The following USP24 variants were observed in gnomAD, a reference collection of about 807,000 sequenced individuals.
USP24 encodes ubiquitin specific peptidase 24.
Under a neutral mutation model 361.6 loss-of-function variants are expected in USP24, and 97 were observed. That is an observed-to-expected ratio of 0.27 (90% CI 0.23 to 0.32). The LOEUF (loss-of-function observed/expected upper bound fraction) is 0.32. USP24 is among the 10% of genes least tolerant of loss of function. USP24 has a pLI of 1.00. For missense variants in USP24, 2,353 were observed against 3,165.6 expected (o/e 0.74, Z 6.16); for synonymous variants, 1,098 against 1,124.6 (o/e 0.98, Z 0.47).
At chr1:55,190,838 G>A (rs1644266986) in intron 1 of USP24, among the ~76,000 whole-genome samples, 1 of 152,124 alleles carries the variant, frequency 6.6e-6, no homozygotes, top group Non-Finnish European at 1.5e-5. Flanking sequence ...AGTTGAAGAA[G>A]TTTAAAGGAA....
Position 55,146,581 on chromosome 1 carries a change from T to C in USP24, c.2250+348A>G, listed in dbSNP as rs556791017. On this transcript the variant is annotated intron_variant, in intron 19 of 67. Transcript: ENST00000294383. Reference sequence around the variant, plus strand: ...TGGCCAGGTACTAATTCTTCTTTACTGTTTTTGGGGTGCAACATCATTATA... The same window carrying C: ...TGGCCAGGTACTAATTCTTCTTTACCGTTTTTGGGGTGCAACATCATTATA... 5.9e-5 allele frequency among the ~76,000 whole-genome samples: 9 copies of C among 152,328 alleles called. No individual in the cohort carries two copies. In the South Asian group the frequency reaches 1.9e-3, roughly 32 times the overall value.
chr1:55,081,855 G>T (rs1645155436), intron 58 of USP24, among the ~76,000 whole-genome samples: 1 of 152,198 alleles, frequency 6.6e-6, no homozygotes. Context: ...AGGACTAAAT[G>T]AAATATTAAA....
At chr1:55,098,688 A>G in intron 45 of USP24, 130 bp from the exon 46 acceptor site, 1 of 691,882 alleles carries the variant, frequency 1.4e-6, no homozygotes. Context: ...GCTGTGGTGA[A>G]TGGAGGCTAA....
chr1:55,099,629 C>T, intron 45 of USP24, 142 bp downstream of exon 45: 3 of 657,072 alleles, frequency 4.6e-6, no homozygotes, highest in South Asian at 3.5e-5. Flanking sequence ...GATGTTTAAA[C>T]ACAGAATACA....
intron 2 of USP24, among the ~76,000 whole-genome samples, chr1:55,177,676 CT>C (rs2100823420): frequency 6.6e-6 from 1 of 152,038 alleles, no homozygotes; most frequent in South Asian, 2.1e-4. Flanking sequence ...AAAAAAAAAG[CT>C]GTTGAATTGA....
chr1:55,071,878 GATT>G lies in USP24; in HGVS notation c.7733_7735del (p.Gln2578_Ser2579delinsPro), dbSNP rs1175800224. ...ACTCTCCGACCCATTACTGCTTCCT[GATT>G]GCTCTTTTTCATTCAACAAAGCTGT... On this transcript the variant is annotated inframe_deletion, in exon 67 of 68. Transcript: ENST00000294383. 23 of 1,613,264 alleles carry G rather than the reference GATT, an allele frequency of 1.4e-5. No homozygotes were observed. The highest frequency in any genetic ancestry group is 1.9e-5 in the Non-Finnish European group (23 of 1,179,684).
In USP24 at chr1:55,136,359, C is replaced by T. The variant is rs74399233; in HGVS notation, c.3201+1156G>A. Among the ~76,000 whole-genome samples the T allele has an allele frequency of 5.8e-3, 887 of 152,178 alleles. 8 individuals are homozygous for T. The highest frequency in any genetic ancestry group is 0.017 in the Middle Eastern group (5 of 294). ...AACCTTGGAGAGGCTCCGGGGGACA[C>T]ATTAGGAAGGCCCTGAAGGTCCCAG... On this transcript the variant is annotated intron_variant, in intron 28 of 67. Coordinates refer to ENST00000294383, the MANE Select transcript of USP24 (RefSeq NM_015306.3).
chr1:55,125,470 G>T lies in USP24; in HGVS notation c.3810C>A (p.Ser1270=). 2 of 1,613,896 alleles carry T rather than the reference G, an allele frequency of 1.2e-6. No homozygotes were observed. Among genetic ancestry groups the T allele is most frequent in the Non-Finnish European group, 1.7e-6 (2 of 1,179,866 alleles). Residue 1270 remains serine (S), a synonymous_variant, in exon 34 of 68, where the codon TCC becomes TCA. Coordinates refer to ENST00000294383, the MANE Select transcript of USP24 (RefSeq NM_015306.3). ...LTKDGIEALS[S]RPFRNVSRQT... ...GCCGGCTGACATTTCGGAATGGGCG[G>T]GAAGAAAGTGCTTCTATACCATCTT...
chr1:55,173,119 A>G (rs1437151305), intron 3 of USP24, among the ~76,000 whole-genome samples: 1 of 152,160 alleles, frequency 6.6e-6, no homozygotes, highest in Admixed American at 6.5e-5. Flanking sequence ...ATATTTTTTA[A>G]CATCTCAGAA....
intron 65 of USP24, among the ~76,000 whole-genome samples, 158 bp from the exon 66 acceptor site, chr1:55,072,561 G>A (rs1289926262): frequency 1.3e-5 from 2 of 152,218 alleles, no homozygotes; most frequent in Non-Finnish European, 2.9e-5. Flanking sequence ...CCTCAGTCAA[G>A]TATTGCTTCT....
intron 3 of USP24, among the ~76,000 whole-genome samples, chr1:55,174,262 G>A (rs1649734395): frequency 6.6e-6 from 1 of 152,118 alleles, no homozygotes; most frequent in Non-Finnish European, 1.5e-5. Flanking sequence ...GAGAGGGATG[G>A]TCATCGAACC....
intron 16 of USP24, among the ~76,000 whole-genome samples, chr1:55,150,887 A>G (rs1013090542): frequency 2.0e-5 from 3 of 152,328 alleles, no homozygotes; most frequent in African/African-American, 4.8e-5. Context: ...TGGAGATTTC[A>G]TAAGTAGGAC....
intron 50 of USP24, 142 bp from the exon 51 acceptor site, chr1:55,095,538 G>T: frequency 1.1e-6 from 1 of 921,594 alleles, no homozygotes; most frequent in Non-Finnish European, 1.6e-6. Context: ...TAAAATGTGA[G>T]TGTCTTTAGA....
chr1:55,110,527 T>G (rs1645918786), intron 38 of USP24, among the ~76,000 whole-genome samples: 1 of 152,190 alleles, frequency 6.6e-6, no homozygotes, highest in Admixed American at 6.5e-5. Context: ...ACTCATTACA[T>G]TCATTCATTC....
At chr1:55,178,722 A>G (rs894092416) in intron 1 of USP24, among the ~76,000 whole-genome samples, 1 of 92,662 alleles carries the variant, frequency 1.1e-5, no homozygotes, top group African/African-American at 5.2e-5. Context: ...TAAATAAATA[A>G]ATAAATAAAA....
chr1:55,088,136 G>A (rs1393178346), intron 55 of USP24, among the ~76,000 whole-genome samples: 1 of 152,206 alleles, frequency 6.6e-6, no homozygotes, highest in Non-Finnish European at 1.5e-5. Flanking sequence ...GAGGTAATGT[G>A]ATCTAATTTG....
intron 55 of USP24, among the ~76,000 whole-genome samples, chr1:55,089,236 A>G (rs1645321438): frequency 6.6e-6 from 1 of 152,176 alleles, no homozygotes; most frequent in Non-Finnish European, 1.5e-5. Flanking sequence ...ATAATTTTTT[A>G]GTCAGAATCC....
chr1:55,154,886 T>C (rs774008331), intron 12 of USP24, 108 bp from the exon 13 acceptor site: 3 of 740,722 alleles, frequency 4.1e-6, no homozygotes, highest in South Asian at 1.9e-5. Flanking sequence ...CAAAGACAAA[T>C]TGACTCTAGT....
At chr1:55,119,567 T>C (rs1646219592) in intron 38 of USP24, among the ~76,000 whole-genome samples, 1 of 152,112 alleles carries the variant, frequency 6.6e-6, no homozygotes, top group Non-Finnish European at 1.5e-5. Context: ...TTATGTTATG[T>C]ATATTTACCA....
Sources: gnomAD v4.1 joint callset for allele counts (sites outside exome capture counted in the v4.1 genomes callset) on GRCh38, gnomAD v4.1.1 for gene constraint, MANE v1.5 for transcripts, NCBI Gene and HGNC (gene_info 2026-07-23, HGNC 2026-07-21) for gene names.